NR4A1: variants seen among roughly 807,000 people sequenced by gnomAD.
The protein encoded by NR4A1 is nuclear receptor subfamily 4immunitygroup A member 1.
Under a neutral mutation model 47.5 loss-of-function variants are expected in NR4A1, and 24 were observed. The observed-to-expected ratio is 0.50, with a 90% CI of 0.37 to 0.71. The LOEUF (loss-of-function observed/expected upper bound fraction) is 0.71, where lower values mean the gene tolerates loss of function less well. Ranked by LOEUF, NR4A1 falls within the 30% of genes least tolerant of loss-of-function variation. The pLI, the probability that NR4A1 is intolerant of heterozygous loss-of-function variation, is 0.00. For missense variants in NR4A1, 669 were observed against 788.6 expected, an observed-to-expected ratio of 0.85 and a Z score of 1.82; for synonymous variants, 353 against 345.7, an observed-to-expected ratio of 1.02 and a Z score of -0.24.
chr12:52,046,688 T>C (rs1938655396), upstream of NR4A1, among the ~76,000 whole-genome samples: 1 of 152,180 alleles, frequency 6.6e-6, no homozygotes, highest in Non-Finnish European at 1.5e-5. Context: ...GTGGCTATTT[T>C]AAAATAAAAT....
At position 52,025,845 on chromosome 12, in the gene NR4A1, G is replaced by T. The variant is rs114472858; in HGVS notation, c.-84+2906G>T. 3.5e-3 allele frequency among the ~76,000 whole-genome samples: 540 copies of T among 152,310 alleles called. 4 individuals carry two copies. The highest frequency in any genetic ancestry group is 0.012 in the African/African-American group (510 of 41,550). On this transcript the variant is annotated intron_variant, in intron 1 of 7. Coordinates refer to the NR4A1 transcript ENST00000360284. ...CCTGTTACCAGCAGAGGGCACCACCGTACAGCACTTGGGGGCCGCAGGGGA... is the reference window on the plus strand; with the variant it reads ...CCTGTTACCAGCAGAGGGCACCACCTTACAGCACTTGGGGGCCGCAGGGGA...
At chr12:52,050,962 G>A (rs964462569), upstream of NR4A1, among the ~76,000 whole-genome samples, 2 of 152,246 alleles carry the variant, frequency 1.3e-5, no homozygotes, top group Admixed American at 1.3e-4. Flanking sequence ...CGGAGGGACC[G>A]GGCGCGGTTG....
chr12:52,041,733 T>G, intron 1 of NR4A1: 1 of 1,243,714 alleles, frequency 8.0e-7, no homozygotes, highest in Non-Finnish European at 1.0e-6. Flanking sequence ...CATTCCTGCG[T>G]GTCCTGGGCA....
chr12:52,045,847 C>A (rs1338416494), intron 2 of NR4A1, among the ~76,000 whole-genome samples: 1 of 152,218 alleles, frequency 6.6e-6, no homozygotes, highest in Non-Finnish European at 1.5e-5. Context: ...CTGGGCCTGA[C>A]CTTTCACCCC....
At chr12:52,050,788 T>A (rs1466183201), upstream of NR4A1, among the ~76,000 whole-genome samples, 1 of 152,188 alleles carries the variant, frequency 6.6e-6, no homozygotes, top group South Asian at 2.1e-4. Context: ...GTGCACTAGC[T>A]GCGCCTAGGG....
At chr12:52,043,991 C>T (rs1036629074) in intron 2 of NR4A1, 4 of 1,216,278 alleles carry the variant, frequency 3.3e-6, no homozygotes, top group Non-Finnish European at 4.3e-6. Context: ...CATGCCAAAC[C>T]CTTTGGCCTT....
In NR4A1 at chr12:52,032,511, C is replaced by G. The variant is rs141474706; in HGVS notation, c.-83-9299C>G. 7.0e-4 allele frequency among the ~76,000 whole-genome samples: 106 copies of G among 152,312 alleles called. 1 individual carries two copies. The highest frequency in any genetic ancestry group is 6.8e-3 in the Middle Eastern group (2 of 294). On this transcript the variant is annotated intron_variant, in intron 1 of 7. Transcript: ENST00000360284. The stretch of plus-strand genomic sequence containing the variant: ...TATCCATCCTATTGGTTCTGTTTCT[C>G]TGGAGAACGCTGGCTAACACCATGG...
chr12:52,031,438 A>G (rs1592281084), intron 1 of NR4A1, among the ~76,000 whole-genome samples: 1 of 151,484 alleles, frequency 6.6e-6, no homozygotes. Flanking sequence ...GGAGTGTGAG[A>G]CCAGCCTGGC....
At chr12:52,046,071 G>A (rs1435027910) in intron 2 of NR4A1, among the ~76,000 whole-genome samples, 1 of 152,228 alleles carries the variant, frequency 6.6e-6, no homozygotes, top group African/African-American at 2.4e-5. Context: ...CCAGGGGAAG[G>A]GTGTGGAGGC....
intron 1 of NR4A1, among the ~76,000 whole-genome samples, chr12:52,023,876 G>A (rs1489138050): frequency 1.3e-5 from 2 of 152,200 alleles, no homozygotes; most frequent in Non-Finnish European, 2.9e-5. Context: ...CCCTCTGCCG[G>A]CAGACTCGGG....
rs2603751 is a variant in NR4A1, at chr12:52,059,498, T to C, written c.*554T>C. On this transcript the variant is annotated 3_prime_UTR_variant, in exon 7 of 7. Transcript: ENST00000394825. ...TATTGAATAAAAAATAGACATGTAG[T>C]TGGAACTGAGATTCAGTCTGTCTCT... 36,507 of 152,116 alleles carry C rather than the reference T, an allele frequency of 0.24. 7,060 individuals carry two copies. Among genetic ancestry groups the C allele is most frequent in the African/African-American group, 0.54 (22,506 of 41,430 alleles). 9.4% of individuals were successfully genotyped at this position (152,116 alleles called of 1,614,324 possible).
Position 52,058,995 on chromosome 12 carries a change from T to G in NR4A1, c.*51T>G. 6.4e-7 allele frequency: 1 copy of G among 1,564,080 alleles called. No homozygotes were observed. Among genetic ancestry groups the G allele is most frequent in the Non-Finnish European group, 8.7e-7 (1 of 1,149,028 alleles). On this transcript the variant is annotated 3_prime_UTR_variant, in exon 7 of 7. Coordinates refer to ENST00000394825, the MANE Select transcript of NR4A1 (RefSeq NM_173157.3). ...ATGCGCACTCTCATATGCCACCCCA[T>G]GTGCCTTTAGTCCACGGACCCCCAG...
chr12:52,036,047 T>A (rs1938228590), intron 1 of NR4A1, among the ~76,000 whole-genome samples: 2 of 152,156 alleles, frequency 1.3e-5, no homozygotes, highest in Admixed American at 6.5e-5. Flanking sequence ...TGTTCCCCAA[T>A]GACCTTGCCT....
In NR4A1 at chr12:52,055,033, C is replaced by T. The variant is rs760372069; in HGVS notation, c.705C>T (p.Pro235=). 6.2e-7 allele frequency: 1 copy of T among 1,614,244 alleles called. No homozygotes were observed. The highest frequency in any genetic ancestry group is 8.5e-7 in the Non-Finnish European group (1 of 1,180,046). Residue 235 remains proline (P), a synonymous_variant, in exon 2 of 7, where the codon CCC becomes CCT. Transcript: ENST00000394825. ...SMPTAFPGLA[P]TSPHLEGSGI... ...CTACGGCCTTCCCAGGTTTGGCACC[C>T]ACTTCTCCACACCTTGAGGGCTCGG... is the stretch of plus-strand genomic sequence containing the variant.
chr12:52,024,325 T>C (rs1937958413), intron 1 of NR4A1, among the ~76,000 whole-genome samples: 1 of 152,242 alleles, frequency 6.6e-6, no homozygotes, highest in African/African-American at 2.4e-5. Flanking sequence ...AATATACATA[T>C]ACGTATTTTA....
At chr12:52,040,061 C>T (rs1938377216) in intron 1 of NR4A1, among the ~76,000 whole-genome samples, 1 of 152,200 alleles carries the variant, frequency 6.6e-6, no homozygotes, top group Admixed American at 6.5e-5. Flanking sequence ...CTTTGGTTTG[C>T]TCTCTGCACA....
intron 2 of NR4A1, among the ~76,000 whole-genome samples, chr12:52,043,099 T>C (rs1180341986): frequency 6.6e-6 from 1 of 152,142 alleles, no homozygotes; most frequent in Non-Finnish European, 1.5e-5. Flanking sequence ...CAGGGCCTCC[T>C]GTTCTGGGGG....
chr12:52,057,409 G>T lies in NR4A1; in HGVS notation c.1419G>T (p.Leu473=). The T allele has an allele frequency of 6.2e-7, 1 of 1,614,236 alleles. No homozygotes were observed. Among genetic ancestry groups the T allele is most frequent in the Non-Finnish European group, 8.5e-7 (1 of 1,180,052 alleles). Residue 473 remains leucine, a synonymous_variant, in exon 6 of 7, where the codon CTG becomes CTT. Transcript: ENST00000394825. ...GCTCAGGCCTGGTGCTACACCGGCTGCAGTGTGCCCGTGGCTTCGGGGACT... is the reference window on the plus strand; with the variant it reads ...GCTCAGGCCTGGTGCTACACCGGCTTCAGTGTGCCCGTGGCTTCGGGGACT... ...IFCSGLVLHR[L]QCARGFGDWI... is the part of the protein sequence containing the mutation.
intron 2 of NR4A1, chr12:52,043,476 A>G: frequency 3.9e-6 from 1 of 255,724 alleles, no homozygotes; most frequent in East Asian, 1.1e-4. Flanking sequence ...GGGGCTGCCA[A>G]CCGGGGCCCC....
Sources: gnomAD v4.1 joint callset for allele counts (sites outside exome capture counted in the v4.1 genomes callset) on GRCh38, gnomAD v4.1.1 for gene constraint, MANE v1.5 for transcripts, NCBI Gene and HGNC (gene_info 2026-07-23, HGNC 2026-07-21) for gene names.